The following CNTNAP5 variants were observed in gnomAD, a reference collection of about 807,000 sequenced individuals.
The protein encoded by CNTNAP5 is contactin associated protein family member 5, also known as contactin-associated protein-like 5.
Under a neutral mutation model 150.2 loss-of-function variants are expected in CNTNAP5, and 72 were observed. That is an observed-to-expected ratio of 0.48 (90% CI 0.40 to 0.58). The LOEUF (loss-of-function observed/expected upper bound fraction) is 0.58, where lower values mean the gene tolerates loss of function less well. Ranked by LOEUF, CNTNAP5 falls within the 20% of genes least tolerant of loss-of-function variation. The pLI is 0.00. For missense variants in CNTNAP5, 1,636 were observed against 1,626.2 expected (o/e 1.01, Z -0.10); for synonymous variants, 672 against 619.8 (o/e 1.08, Z -1.25).
At chr2:124,429,401 A>G (rs1222982710) in intron 4 of CNTNAP5, among the ~76,000 whole-genome samples, 1 of 152,266 alleles carries the variant, frequency 6.6e-6, no homozygotes, top group East Asian at 1.9e-4. Flanking sequence ...AATAGTATAA[A>G]AAGCATTAAC....
chr2:124,043,731 T>C (rs1267002722), intron 1 of CNTNAP5, among the ~76,000 whole-genome samples: 8 of 152,070 alleles, frequency 5.3e-5, no homozygotes, highest in Non-Finnish European at 1.2e-4. Flanking sequence ...CAGTGAAGTT[T>C]ACAACAACAT....
At chr2:124,744,868 A>G (rs1459653693) in intron 13 of CNTNAP5, among the ~76,000 whole-genome samples, 2 of 152,190 alleles carry the variant, frequency 1.3e-5, no homozygotes, top group Non-Finnish European at 2.9e-5. Context: ...CACAGAGACC[A>G]AGACACAAAG....
intron 13 of CNTNAP5, among the ~76,000 whole-genome samples, chr2:124,713,255 TTC>T (rs1679854429): frequency 8.6e-6 from 1 of 116,090 alleles, no homozygotes; most frequent in African/African-American, 2.9e-5. Context: ...CTTTCTTTCT[TTC>T]TTTCTTTCTT....
chr2:124,659,228 T>A (rs1192317907), intron 13 of CNTNAP5, among the ~76,000 whole-genome samples: 2 of 152,198 alleles, frequency 1.3e-5, no homozygotes, highest in Admixed American at 1.3e-4. Flanking sequence ...TGAACATAAT[T>A]TTCATTGTCT....
At chr2:124,693,525 G>A (rs947383290) in intron 13 of CNTNAP5, among the ~76,000 whole-genome samples, 5 of 152,022 alleles carry the variant, frequency 3.3e-5, no homozygotes, top group Admixed American at 1.3e-4. Flanking sequence ...AGTTTTATTC[G>A]TTTTTCTGAA....
intron 1 of CNTNAP5, among the ~76,000 whole-genome samples, chr2:124,159,766 A>T (rs1178975549): frequency 6.6e-6 from 1 of 152,170 alleles, no homozygotes; most frequent in Non-Finnish European, 1.5e-5. Flanking sequence ...GAATACACTC[A>T]ATTCTGAAGT....
chr2:124,088,611 T>C (rs1682749109), intron 1 of CNTNAP5, among the ~76,000 whole-genome samples: 1 of 151,938 alleles, frequency 6.6e-6, no homozygotes, highest in Admixed American at 6.6e-5. Context: ...GCAGTCAAAG[T>C]GGGAAGTAAA....
At chr2:124,381,781 G>A (rs919797246) in intron 3 of CNTNAP5, among the ~76,000 whole-genome samples, 1 of 152,118 alleles carries the variant, frequency 6.6e-6, no homozygotes, top group African/African-American at 2.4e-5. Context: ...ATCAGTGGTA[G>A]TTACAGCCAT....
chr2:124,181,031 A>C (rs1184961840), intron 1 of CNTNAP5, among the ~76,000 whole-genome samples: 2 of 152,038 alleles, frequency 1.3e-5, no homozygotes, highest in African/African-American at 4.8e-5. Context: ...GAGAAAAGCC[A>C]GAATTTAAAA....
chr2:124,204,812 G>A (rs552839627), intron 1 of CNTNAP5, among the ~76,000 whole-genome samples: 17 of 151,856 alleles, frequency 1.1e-4, no homozygotes, highest in Middle Eastern at 3.4e-3. Context: ...TCCTGATTAT[G>A]GGGAGCTACA....
intron 13 of CNTNAP5, among the ~76,000 whole-genome samples, chr2:124,673,920 A>C (rs551924084): frequency 8.5e-5 from 13 of 152,252 alleles, no homozygotes; most frequent in African/African-American, 2.4e-4. Context: ...TGTTTTTAGT[A>C]TATTCAGAGT....
chr2:124,420,492 T>C (rs1169647951), intron 4 of CNTNAP5, among the ~76,000 whole-genome samples: 5 of 152,170 alleles, frequency 3.3e-5, no homozygotes, highest in East Asian at 1.9e-4. Flanking sequence ...CCAATCACTA[T>C]TGAGACATTT....
chr2:124,641,684 T>C (rs1239790434), intron 12 of CNTNAP5, among the ~76,000 whole-genome samples: 2 of 152,114 alleles, frequency 1.3e-5, no homozygotes, highest in Non-Finnish European at 2.9e-5. Context: ...TCTATTACAA[T>C]AGGAGTATAA....
chr2:124,195,441 T>C (rs1238295066), intron 1 of CNTNAP5, among the ~76,000 whole-genome samples: 4 of 152,292 alleles, frequency 2.6e-5, no homozygotes, highest in East Asian at 3.9e-4. Context: ...CTTGCAATAC[T>C]CAACACTGTC....
intron 1 of CNTNAP5, among the ~76,000 whole-genome samples, chr2:124,142,375 A>G (rs1001867551): frequency 6.6e-6 from 1 of 151,292 alleles, no homozygotes; most frequent in Non-Finnish European, 1.5e-5. Flanking sequence ...TCCAAAATTG[A>G]CCACATAGTT....
intron 19 of CNTNAP5, among the ~76,000 whole-genome samples, chr2:124,845,554 G>A (rs1683031761): frequency 6.6e-6 from 1 of 151,646 alleles, no homozygotes; most frequent in Non-Finnish European, 1.5e-5. Context: ...AGTGTCTATA[G>A]GATTGGTACC....
chr2:124,281,685 T>A (rs563384054), intron 3 of CNTNAP5, among the ~76,000 whole-genome samples: 3 of 152,258 alleles, frequency 2.0e-5, no homozygotes, highest in African/African-American at 7.2e-5. Flanking sequence ...TGGGACCAAT[T>A]AGGTAAGAAC....
At chr2:124,092,433 C>T (rs886432697) in intron 1 of CNTNAP5, among the ~76,000 whole-genome samples, 9 of 152,160 alleles carry the variant, frequency 5.9e-5, no homozygotes, top group Admixed American at 1.3e-4. Flanking sequence ...ATTCTCAGCC[C>T]GCAGGCTGTA....
chr2:124,171,052 C>T (rs1416667359), intron 1 of CNTNAP5, among the ~76,000 whole-genome samples: 1 of 152,154 alleles, frequency 6.6e-6, no homozygotes. Context: ...TTATTCATTT[C>T]TAAGTTGCTG....
Sources: allele counts gnomAD v4.1 joint callset (sites outside exome capture counted in the v4.1 genomes callset), GRCh38; gene constraint gnomAD v4.1.1; transcripts MANE v1.5; gene names NCBI Gene and HGNC (gene_info 2026-07-23, HGNC 2026-07-21).